EPHA3: variants seen among roughly 807,000 people sequenced by gnomAD.
EPHA3 encodes ephrin type-A receptor 3.
In EPHA3, 42 loss-of-function variants were observed where a neutral mutation model predicts 107.1. The observed-to-expected ratio is 0.39, with a 90% CI of 0.31 to 0.51. EPHA3 has a LOEUF of 0.51. Among genes scored for constraint, EPHA3 ranks in the 20% least tolerant of loss-of-function variants. EPHA3 has a pLI of 0.78. For synonymous variants in EPHA3, 461 were observed against 424.8 expected (o/e 1.09, Z -1.05); for missense variants, 1,183 against 1,211.2 (o/e 0.98, Z 0.35).
intron 3 of EPHA3, among the ~76,000 whole-genome samples, chr3:89,298,025 A>C (rs1032571154): frequency 1.3e-5 from 2 of 152,136 alleles, no homozygotes; most frequent in Non-Finnish European, 2.9e-5. Flanking sequence ...ACAAAGCAAG[A>C]CTTCCTCTCA....
At chr3:89,408,705 C>T (rs1352319266) in intron 9 of EPHA3, among the ~76,000 whole-genome samples, 1 of 151,980 alleles carries the variant, frequency 6.6e-6, no homozygotes, top group Non-Finnish European at 1.5e-5. Flanking sequence ...AAAGTGTTTA[C>T]AACTAACAAA....
At chr3:89,339,532 C>A (rs1707469954) in intron 3 of EPHA3, among the ~76,000 whole-genome samples, 1 of 152,082 alleles carries the variant, frequency 6.6e-6, no homozygotes, top group South Asian at 2.1e-4. Context: ...AACAGTAAGA[C>A]TAGATTAATG....
At chr3:89,219,919 G>A (rs1218085491) in intron 3 of EPHA3, among the ~76,000 whole-genome samples, 2 of 149,072 alleles carry the variant, frequency 1.3e-5, no homozygotes, top group African/African-American at 4.9e-5. Flanking sequence ...CGTTTTAGCC[G>A]GGATGGTCTC....
At chr3:89,323,482 T>C (rs1469372016) in intron 3 of EPHA3, among the ~76,000 whole-genome samples, 4 of 152,166 alleles carry the variant, frequency 2.6e-5, no homozygotes, top group Non-Finnish European at 5.9e-5. Context: ...TTTACCAGCA[T>C]TGAGGATGCA....
At chr3:89,257,413 C>T (rs76783414) in intron 3 of EPHA3, among the ~76,000 whole-genome samples, 174 of 152,280 alleles carry the variant, frequency 1.1e-3, no homozygotes, top group African/African-American at 3.2e-3. Context: ...CCTTATCCCA[C>T]TCCCTTCTCA....
At chr3:89,352,470 G>A (rs982005350) in intron 5 of EPHA3, among the ~76,000 whole-genome samples, 1 of 151,066 alleles carries the variant, frequency 6.6e-6, no homozygotes, top group East Asian at 1.9e-4. Flanking sequence ...CTCGTTCATG[G>A]TTTTATGGCC....
intron 2 of EPHA3, among the ~76,000 whole-genome samples, chr3:89,192,660 T>G (rs1436785958): frequency 6.6e-6 from 1 of 152,086 alleles, no homozygotes; most frequent in Non-Finnish European, 1.5e-5. Context: ...TTTTCTTCAA[T>G]GTAATCCTAC....
intron 1 of EPHA3, among the ~76,000 whole-genome samples, chr3:89,109,341 A>G (rs1353123410): frequency 1.3e-5 from 2 of 152,124 alleles, no homozygotes; most frequent in Non-Finnish European, 2.9e-5. Context: ...AACGGGTAAC[A>G]TGTATAATAG....
intron 15 of EPHA3, among the ~76,000 whole-genome samples, chr3:89,458,639 AGT>A: frequency 6.6e-6 from 1 of 152,302 alleles, no homozygotes; most frequent in East Asian, 1.9e-4. Context: ...GCCCACCAAC[AGT>A]GTAAAAGCAT....
chr3:89,264,832 C>A (rs1705499833), intron 3 of EPHA3, among the ~76,000 whole-genome samples: 1 of 151,816 alleles, frequency 6.6e-6, no homozygotes, highest in African/African-American at 2.4e-5. Context: ...ATGTCATGGG[C>A]AAAATACCTG....
chr3:89,472,050 C>T (rs1710413390), intron 15 of EPHA3, among the ~76,000 whole-genome samples: 1 of 152,138 alleles, frequency 6.6e-6, no homozygotes, highest in Admixed American at 6.5e-5. Flanking sequence ...AACAAACATC[C>T]AGTGGGAAAT....
chr3:89,475,008 G>A (rs1225458988), intron 16 of EPHA3, among the ~76,000 whole-genome samples: 2 of 152,018 alleles, frequency 1.3e-5, no homozygotes, highest in Non-Finnish European at 2.9e-5. Flanking sequence ...TCCTTCTTCT[G>A]TCCTTTCTCC....
At chr3:89,315,011 G>A (rs1284582283) in intron 3 of EPHA3, among the ~76,000 whole-genome samples, 1 of 151,762 alleles carries the variant, frequency 6.6e-6, no homozygotes, top group Non-Finnish European at 1.5e-5. Flanking sequence ...GCACTGATTA[G>A]TGTTAAGGAA....
chr3:89,233,711 C>T (rs553529720), intron 3 of EPHA3, among the ~76,000 whole-genome samples: 6 of 152,050 alleles, frequency 3.9e-5, no homozygotes, highest in South Asian at 2.1e-4. Flanking sequence ...TTAAGGGAAA[C>T]GGTGGAAGGC....
At chr3:89,264,261 A>T (rs1037508307) in intron 3 of EPHA3, among the ~76,000 whole-genome samples, 1 of 152,150 alleles carries the variant, frequency 6.6e-6, no homozygotes, top group Non-Finnish European at 1.5e-5. Flanking sequence ...TAGGATAGGC[A>T]TTCTCATTCT....
intron 3 of EPHA3, among the ~76,000 whole-genome samples, chr3:89,233,430 G>A (rs370499005): frequency 2.6e-5 from 4 of 152,090 alleles, no homozygotes; most frequent in African/African-American, 9.7e-5. Flanking sequence ...CATGAGCAGC[G>A]GGGCTTGCCT....
At chr3:89,156,676 T>G (rs1704814682) in intron 2 of EPHA3, among the ~76,000 whole-genome samples, 1 of 152,038 alleles carries the variant, frequency 6.6e-6, no homozygotes, top group African/African-American at 2.4e-5. Flanking sequence ...AAAAGAAGAA[T>G]GATATTAGTT....
intron 1 of EPHA3, 61 bp downstream of exon 1, chr3:89,107,897 C>G (rs78293063): frequency 1.4e-5 from 22 of 1,517,318 alleles, no homozygotes; most frequent in Non-Finnish European, 1.9e-5. Flanking sequence ...CTTCAAAGCA[C>G]GTTCTCACCG....
chr3:89,262,904 G>GC (rs1216787092), intron 3 of EPHA3, among the ~76,000 whole-genome samples: 29 of 150,456 alleles, frequency 1.9e-4, no homozygotes, highest in African/African-American at 6.8e-4. Flanking sequence ...AGGCCCCTCA[G>GC]CAGCATCCAA....
Sources: allele counts gnomAD v4.1 joint callset (sites outside exome capture counted in the v4.1 genomes callset), GRCh38; gene constraint gnomAD v4.1.1; transcripts MANE v1.5; gene names NCBI Gene and HGNC (gene_info 2026-07-23, HGNC 2026-07-21).